Variants in ZNF621 observed in about 807,000 individuals in gnomAD.
The protein encoded by ZNF621 is zinc finger protein 621.
ZNF621 carries 6 observed loss-of-function variants against 12.7 expected under a neutral mutation model. That is an observed-to-expected ratio of 0.47 (90% CI 0.26 to 0.93). The LOEUF (loss-of-function observed/expected upper bound fraction) is 0.93. Among genes scored for constraint, ZNF621 ranks in the 40% least tolerant of loss-of-function variants. The pLI is 0.15. For synonymous variants in ZNF621, 156 were observed against 190.3 expected (o/e 0.82, Z 1.48); for missense variants, 474 against 524.0 (o/e 0.90, Z 0.93).
upstream of ZNF621, among the ~76,000 whole-genome samples, chr3:40,524,139 G>GT (rs1698522597): frequency 1.3e-5 from 2 of 152,136 alleles, no homozygotes. Flanking sequence ...CCTCTTCACT[G>GT]TTTTTTCTTC....
upstream of ZNF621, among the ~76,000 whole-genome samples, chr3:40,524,479 C>A (rs1480483215): frequency 6.6e-6 from 1 of 152,156 alleles, no homozygotes; most frequent in Non-Finnish European, 1.5e-5. Flanking sequence ...CATCTAGGTC[C>A]TTGGAAGGGA....
chr3:40,535,553 G>C lies in ZNF621; in HGVS notation c.*2463G>C, dbSNP rs189088240. 6.6e-6 allele frequency: 1 copy of C among 152,264 alleles called. No homozygotes were observed. The highest frequency in any genetic ancestry group is 1.5e-5 in the Non-Finnish European group (1 of 68,042). The allele number at this position is 152,264 out of a possible 1,614,324, so 9.4% of individuals were successfully genotyped here. ...TTGAAGAGACTGGACCACCAGGAAG[G>C]TCGTTTCACATTCTGTAGTAAAAAT... On this transcript the variant is annotated 3_prime_UTR_variant, in exon 5 of 5. Coordinates refer to ENST00000339296, the MANE Select transcript of ZNF621 (RefSeq NM_198484.5).
upstream of ZNF621, among the ~76,000 whole-genome samples, chr3:40,524,068 C>T (rs1333791938): frequency 1.3e-5 from 2 of 152,056 alleles, no homozygotes; most frequent in Non-Finnish European, 2.9e-5. Flanking sequence ...GGACTTTGGT[C>T]AAAAAACAGT....
At chr3:40,530,407 T>C (rs1575306882) in intron 4 of ZNF621, 91 bp downstream of exon 4, 2 of 1,031,598 alleles carry the variant, frequency 1.9e-6, no homozygotes, top group Non-Finnish European at 2.9e-6. Flanking sequence ...GGTACAAATC[T>C]CCCAGTTATT....
Position 40,533,349 on chromosome 3 carries a change from C to A in ZNF621, c.*259C>A. On this transcript the variant is annotated 3_prime_UTR_variant, in exon 5 of 5. Coordinates refer to ENST00000339296, the MANE Select transcript of ZNF621 (RefSeq NM_198484.5). ...AGAGATGGGGTTTCGCCATCTTGGC[C>A]AGGCTGGTCTCAAACACCTGACCTC... 1 of 491,294 alleles carries A rather than the reference C, an allele frequency of 2.0e-6. No homozygotes were observed. The highest frequency in any genetic ancestry group is 3.3e-6 in the Non-Finnish European group (1 of 299,356). 30.4% of individuals were successfully genotyped at this position (491,294 alleles called of 1,614,324 possible).
At position 40,534,055 on chromosome 3, in the gene ZNF621, A is replaced by T. The variant is rs773290949; in HGVS notation, c.*965A>T. ...TAACTTTTATTTCGTAAGTAAATAT[A>T]CACAAAGGCATTCATCTTTGTTGAA... On this transcript the variant is annotated 3_prime_UTR_variant, in exon 5 of 5. Transcript: ENST00000339296. 3.3e-5 allele frequency: 5 copies of T among 152,496 alleles called. No individual in the cohort carries two copies. Among genetic ancestry groups the T allele is most frequent in the Admixed American group, 6.5e-5 (1 of 15,274 alleles). The allele number at this position is 152,496 out of a possible 1,614,324, so 9.4% of individuals were successfully genotyped here.
rs1282842583 is a variant in ZNF621, at chr3:40,530,299, T to C, written c.242T>C (p.Leu81Pro). ...WGPDPWDTEI[L>P]RGISQGGESW... ...CCAGATCCCTGGGACACCGAGATTC[T>C]GAGAGGCATCAGTCAAGGTGAGTAT... The change falls in exon 4 of 5, where the codon CTG (leucine) becomes CCG (proline). Residue 81 changes from leucine to proline, a missense_variant. Coordinates refer to ENST00000339296, the MANE Select transcript of ZNF621 (RefSeq NM_198484.5). 1 of 1,613,896 alleles carries C rather than the reference T, an allele frequency of 6.2e-7. No homozygotes were observed. The highest frequency in any genetic ancestry group is 1.1e-5 in the South Asian group (1 of 91,056).
intron 1 of ZNF621, 53 bp from the exon 2 acceptor site, chr3:40,525,726 C>T (rs1698562843): frequency 7.0e-7 from 1 of 1,424,100 alleles, no homozygotes; most frequent in Non-Finnish European, 9.9e-7. Context: ...CCATAGGTTG[C>T]TGTAGGTGGT....
chr3:40,529,138 A>G, intron 2 of ZNF621, 181 bp from the exon 3 acceptor site: 1 of 618,868 alleles, frequency 1.6e-6, no homozygotes, highest in Non-Finnish European at 2.8e-6. Context: ...CCCATTTGAA[A>G]GTGGAACTAC....
rs1698790008 is a variant in ZNF621, at chr3:40,533,526, T to G, written c.*436T>G. 1 of 171,216 alleles carries G rather than the reference T, an allele frequency of 5.8e-6. No individual in the cohort carries two copies. Among genetic ancestry groups the G allele is most frequent in the Non-Finnish European group, 1.3e-5 (1 of 78,046 alleles). The allele number at this position is 171,216 out of a possible 1,614,324, so 10.6% of individuals were successfully genotyped here. A position where few individuals can be genotyped will look rare whatever the true frequency, so the allele number is the denominator to read the frequency against. On this transcript the variant is annotated 3_prime_UTR_variant, in exon 5 of 5. Coordinates refer to ENST00000339296, the MANE Select transcript of ZNF621 (RefSeq NM_198484.5). ...TTTCAACATAAACTCCATTATAATC[T>G]ATATACATTTAAAGACCGTGTTTAC...
At position 40,532,087 on chromosome 3, in the gene ZNF621, A is replaced by T. The variant is rs777187430; in HGVS notation, c.317A>T (p.Glu106Val). The change falls in exon 5 of 5, where the codon GAA becomes GTA. Residue 106 changes from glutamate (E) to valine (V), a missense_variant. Coordinates refer to ENST00000339296, the MANE Select transcript of ZNF621 (RefSeq NM_198484.5). ...GTTATAAAGCAGGAAGCCTCTGAAG[A>T]AACAGAGTTGCACAGAATGCCAGTA... Reference protein sequence around the residue: ...GLVIKQEASEETELHRMPVGG... With the variant: ...GLVIKQEASEVTELHRMPVGG... 4 of 1,614,110 alleles carry T rather than the reference A, an allele frequency of 2.5e-6. No individual in the cohort carries two copies. In the Admixed American group the frequency reaches 6.7e-5, roughly 27 times the overall value.
At chr3:40,529,601 T>C in intron 3 of ZNF621, 156 bp downstream of exon 3, 1 of 1,529,906 alleles carries the variant, frequency 6.5e-7, no homozygotes, top group Non-Finnish European at 8.8e-7. Context: ...GTTCTCTTTG[T>C]TTTTTGTTTG....
chr3:40,533,056 C>T lies in ZNF621; in HGVS notation c.1286C>T (p.Pro429Leu). The T allele has an allele frequency of 6.4e-7, 1 of 1,551,756 alleles. No individual in the cohort carries two copies. Residue 429 changes from proline to leucine, a missense_variant, in exon 5 of 5, where the codon CCA becomes CTA. By Grantham distance (98) the Pro-to-Leu change is moderately conservative (BLOSUM62 -3). Coordinates refer to ENST00000339296, the MANE Select transcript of ZNF621 (RefSeq NM_198484.5). ...CTTACTCCCACTGTGAAACCTTCCC[C>T]AGTTATTCTCACCCCTTCTTCTCAC... Reference protein sequence around the residue: ...QGLTPTVKPSPVILTPSSHSS With the variant: ...QGLTPTVKPSLVILTPSSHSS
rs1158627987 is a variant in ZNF621 at position 40,535,628 on chromosome 3, C to T, written c.*2538C>T. The T allele has an allele frequency of 6.6e-6, 1 of 152,100 alleles. No individual in the cohort carries two copies. The highest frequency in any genetic ancestry group is 1.5e-5 in the Non-Finnish European group (1 of 68,036). 9.4% of individuals were successfully genotyped at this position (152,100 alleles called of 1,614,324 possible). ...TCTTCTGTCTTCAGCCAGGGTGTAC[C>T]TGCTCGGTGGGAGTTGGTTATATAT... On this transcript the variant is annotated 3_prime_UTR_variant, in exon 5 of 5. Coordinates refer to ENST00000339296, the MANE Select transcript of ZNF621 (RefSeq NM_198484.5).
intron 1 of ZNF621, 126 bp from the exon 2 acceptor site, chr3:40,525,653 A>G (rs1212479204): frequency 1.4e-5 from 10 of 740,078 alleles, no homozygotes; most frequent in African/African-American, 3.5e-5. Context: ...CGTGAGAACA[A>G]TTAGAGGGAG....
At position 40,538,291 on chromosome 3, in the gene ZNF621, T is replaced by C. The variant is rs1698919029; in HGVS notation, c.*5201T>C. On this transcript the variant is annotated 3_prime_UTR_variant, in exon 5 of 5. Transcript: ENST00000339296. ...ACTTTGGGAGGCCAAGGCAGGTGGA[T>C]CAGTTGAGGTCAGGAGTTTGAGACC... is the stretch of plus-strand genomic sequence containing the variant. 6 of 377,538 alleles carry C rather than the reference T, an allele frequency of 1.6e-5. No individual in the cohort carries two copies. Among genetic ancestry groups the C allele is most frequent in the South Asian group, 1.1e-4 (6 of 52,178 alleles). 23.4% of individuals were successfully genotyped at this position (377,538 alleles called of 1,614,324 possible).
rs753827068 is a variant in ZNF621 at position 40,529,387 on chromosome 3, G to T, written c.93G>T (p.Ala31=). The change falls in exon 3 of 5, where the codon GCG becomes GCT. Residue 31 remains alanine, a synonymous_variant. Coordinates refer to ENST00000339296, the MANE Select transcript of ZNF621 (RefSeq NM_198484.5). ...TQNQWASLDP[A]QRALYGEVML... is the part of the protein sequence containing the mutation. ...ATCAATGGGCCAGCCTCGACCCTGC[G>T]CAGAGGGCCCTGTACGGGGAGGTGA... 206 of 1,613,786 alleles carry T rather than the reference G, an allele frequency of 1.3e-4. No individual in the cohort carries two copies. Among genetic ancestry groups the T allele is most frequent in the Non-Finnish European group, 1.6e-4 (186 of 1,179,884 alleles).
chr3:40,535,570 A>G lies in ZNF621; in HGVS notation c.*2480A>G, dbSNP rs922285185. On this transcript the variant is annotated 3_prime_UTR_variant, in exon 5 of 5. Transcript: ENST00000339296. ...CCAGGAAGGTCGTTTCACATTCTGT[A>G]GTAAAAATACCCCTACAATCATTTT... is the stretch of plus-strand genomic sequence containing the variant. The G allele has an allele frequency of 3.3e-5, 5 of 152,202 alleles. No individual in the cohort carries two copies. Among genetic ancestry groups the G allele is most frequent in the African/African-American group, 1.2e-4 (5 of 41,450 alleles). 9.4% of individuals were successfully genotyped at this position (152,202 alleles called of 1,614,324 possible). A position where few individuals can be genotyped will look rare whatever the true frequency, so the allele number is the denominator to read the frequency against.
Position 40,533,110 on chromosome 3 carries a change from A to G in ZNF621, c.*20A>G, listed in dbSNP as rs1397947649. On this transcript the variant is annotated 3_prime_UTR_variant, in exon 5 of 5. Transcript: ENST00000339296. ...TCATGAGCTTTATCTTGGCAGTCTT[A>G]CGGCTCTTATGCCTAGCAAATCTCC... 1.9e-6 allele frequency: 3 copies of G among 1,547,480 alleles called. No homozygotes were observed. The highest frequency in any genetic ancestry group is 2.6e-6 in the Non-Finnish European group (3 of 1,143,958).
Sources: allele counts gnomAD v4.1 joint callset (sites outside exome capture counted in the v4.1 genomes callset), GRCh38; gene constraint gnomAD v4.1.1; transcripts MANE v1.5; gene names NCBI Gene and HGNC (gene_info 2026-07-23, HGNC 2026-07-21).